The following HECW2 variants were observed in gnomAD, a reference collection of about 807,000 sequenced individuals.
The protein encoded by HECW2 is HECT, C2 and WW domain containing E3 ubiquitin protein ligase 2.
HECW2 carries 61 observed loss-of-function variants against 175.2 expected under a neutral mutation model. The ratio of observed to expected loss-of-function variants is 0.35; its 90% CI spans 0.28 to 0.43. HECW2 has a LOEUF of 0.43. HECW2 is among the 20% of genes least tolerant of loss of function. The pLI is 1.00. For missense variants in HECW2, 1,524 were observed against 2,000.5 expected, an observed-to-expected ratio of 0.76 and a Z score of 4.54; for synonymous variants, 671 against 731.0, an observed-to-expected ratio of 0.92 and a Z score of 1.32.
intron 2 of HECW2, among the ~76,000 whole-genome samples, chr2:196,395,520 C>G (rs1211795111): frequency 6.6e-6 from 1 of 152,024 alleles, no homozygotes; most frequent in Non-Finnish European, 1.5e-5. Flanking sequence ...ACAACGACAA[C>G]AAAAACCAAA....
chr2:196,329,345 T>C (rs1211943064), intron 5 of HECW2, among the ~76,000 whole-genome samples: 7 of 152,186 alleles, frequency 4.6e-5, no homozygotes, highest in East Asian at 1.9e-4. Flanking sequence ...TACATAGTTA[T>C]ATAGACTGTC....
intron 1 of HECW2, among the ~76,000 whole-genome samples, chr2:196,552,047 G>A (rs1689616421): frequency 6.6e-6 from 1 of 152,126 alleles, no homozygotes; most frequent in Non-Finnish European, 1.5e-5. Context: ...ATTACCCAGA[G>A]CCTATTAAGA....
intron 2 of HECW2, among the ~76,000 whole-genome samples, chr2:196,371,446 A>T (rs893667047): frequency 1.3e-5 from 2 of 152,222 alleles, no homozygotes; most frequent in Admixed American, 1.3e-4. Flanking sequence ...ACATGAGAAC[A>T]AAGTTTTAGA....
chr2:196,380,718 C>T (rs1027997625), intron 2 of HECW2, among the ~76,000 whole-genome samples: 2 of 152,212 alleles, frequency 1.3e-5, no homozygotes, highest in East Asian at 3.9e-4. Context: ...ATTCTGCTGC[C>T]GTTAGTGGCT....
At position 196,239,476 on chromosome 2, in the gene HECW2, T is replaced by C. The variant is rs189009106; in HGVS notation, c.3764+973A>G. ...AGCAGATGCAAATTATTTTATAGTT[T>C]GGAGTCATTATTTCATCCACTGTGT... On this transcript the variant is annotated intron_variant, in intron 21 of 28. Transcript: ENST00000644978. 3 of 152,382 alleles carry C rather than the reference T, an allele frequency of 2.0e-5. No homozygotes were observed. In the East Asian group the frequency reaches 5.8e-4, roughly 29 times the overall value. The allele number at this position is 152,382 out of a possible 1,614,324, so 9.4% of individuals were successfully genotyped here.
chr2:196,280,541 T>C (rs1690147489), intron 14 of HECW2, among the ~76,000 whole-genome samples: 1 of 152,232 alleles, frequency 6.6e-6, no homozygotes, highest in African/African-American at 2.4e-5. Context: ...TCCCAGTCCT[T>C]TCTCTTACTA....
chr2:196,303,186 CTTTAG>C (rs1691132947), intron 13 of HECW2, among the ~76,000 whole-genome samples: 1 of 152,146 alleles, frequency 6.6e-6, no homozygotes, highest in African/African-American at 2.4e-5. Context: ...TGGTTTCTGT[CTTTAG>C]TTCTGTTTAT....
At chr2:196,482,035 A>C (rs1045508611) in intron 1 of HECW2, among the ~76,000 whole-genome samples, 1 of 152,214 alleles carries the variant, frequency 6.6e-6, no homozygotes, top group Non-Finnish European at 1.5e-5. Flanking sequence ...TAAAAATGTG[A>C]GTTTCCTTGC....
At chr2:196,409,141 G>A (rs1413793462) in intron 2 of HECW2, among the ~76,000 whole-genome samples, 1 of 152,146 alleles carries the variant, frequency 6.6e-6, no homozygotes, top group Non-Finnish European at 1.5e-5. Context: ...AATCCAGTTT[G>A]TCAACACACT....
At chr2:196,550,458 AT>A (rs1400801678) in intron 1 of HECW2, among the ~76,000 whole-genome samples, 1 of 152,166 alleles carries the variant, frequency 6.6e-6, no homozygotes, top group African/African-American at 2.4e-5. Flanking sequence ...TGAAATTTTC[AT>A]TGAAAATTCT....
chr2:196,366,623 T>C (rs1166298273), intron 2 of HECW2, among the ~76,000 whole-genome samples: 1 of 152,232 alleles, frequency 6.6e-6, no homozygotes, highest in Non-Finnish European at 1.5e-5. Context: ...TTGATTGGCA[T>C]ATGTCTTGAA....
At chr2:196,360,894 A>G (rs1693564536) in intron 2 of HECW2, among the ~76,000 whole-genome samples, 1 of 152,174 alleles carries the variant, frequency 6.6e-6, no homozygotes, top group African/African-American at 2.4e-5. Context: ...ACTGTGCTCA[A>G]TGAGGGCACT....
intron 1 of HECW2, among the ~76,000 whole-genome samples, chr2:196,546,261 C>A (rs1029663066): frequency 2.0e-5 from 3 of 152,142 alleles, no homozygotes; most frequent in African/African-American, 7.2e-5. Context: ...CTTAATTAAC[C>A]CAAGCCACAA....
chr2:196,521,006 C>A lies in HECW2; in HGVS notation c.-36+72502G>T, dbSNP rs141660975. On this transcript the variant is annotated intron_variant, in intron 1 of 28. Coordinates refer to ENST00000644978, the MANE Select transcript of HECW2 (RefSeq NM_001348768.2). ...AGGGAACGAGCCCTACAAAACCCAG[C>A]AGCCTTGTGGCATGCAACACTAGGG... Among the ~76,000 whole-genome samples the A allele has an allele frequency of 9.4e-3, 1,425 of 152,288 alleles. 6 individuals carry two copies. Among genetic ancestry groups the A allele is most frequent in the Non-Finnish European group, 0.014 (983 of 68,006 alleles).
intron 1 of HECW2, among the ~76,000 whole-genome samples, chr2:196,539,990 G>A (rs4341955): frequency 0.61 from 92,111 of 152,142 alleles, 34,071 homozygotes; most frequent in East Asian, 0.92. Flanking sequence ...TCAGGACAGC[G>A]GATGAATGAG....
chr2:196,343,086 G>T (rs62187063), intron 3 of HECW2, among the ~76,000 whole-genome samples: 1 of 151,292 alleles, frequency 6.6e-6, no homozygotes, highest in Non-Finnish European at 1.5e-5. Context: ...GTGTGTGTGT[G>T]TATATACATA....
intron 1 of HECW2, among the ~76,000 whole-genome samples, chr2:196,455,868 T>C (rs1222274489): frequency 6.6e-6 from 1 of 151,000 alleles, no homozygotes; most frequent in Non-Finnish European, 1.5e-5. Context: ...TGTTAAATAA[T>C]ATATATGATA....
intron 2 of HECW2, among the ~76,000 whole-genome samples, chr2:196,427,313 A>G (rs1695576980): frequency 3.4e-5 from 1 of 29,088 alleles, no homozygotes; most frequent in Non-Finnish European, 2.4e-4. Context: ...ATGCAAAATT[A>G]AAAAATAAAT....
Position 196,334,489 on chromosome 2 carries a change from G to T in HECW2, c.430C>A (p.His144Asn). 6.2e-7 allele frequency: 1 copy of T among 1,606,830 alleles called. No homozygotes were observed. Among genetic ancestry groups the T allele is most frequent in the Non-Finnish European group, 8.5e-7 (1 of 1,176,696 alleles). ...GCTCGCAGGGCTCCACTAATGCCGT[G>T]GTAATATTTAAAACAGATTTTTATC... ...PEIKICFKYYHGISGALRATT... is the reference protein window; with the variant it reads ...PEIKICFKYYNGISGALRATT... Residue 144 changes from histidine to asparagine, a missense_variant, in exon 4 of 29, where the codon CAC (histidine) becomes AAC (asparagine). Physicochemically the swap from His to Asn is moderately conservative, Grantham distance 68 (BLOSUM62 1). Coordinates refer to ENST00000644978, the MANE Select transcript of HECW2 (RefSeq NM_001348768.2).
Sources: gnomAD v4.1 joint callset for allele counts (sites outside exome capture counted in the v4.1 genomes callset) on GRCh38, gnomAD v4.1.1 for gene constraint, MANE v1.5 for transcripts, NCBI Gene and HGNC (gene_info 2026-07-23, HGNC 2026-07-21) for gene names.